MAST1: variants seen among roughly 807,000 people sequenced by gnomAD.
MAST1 encodes the protein microtubule associated serine/threonine kinase 1.
A neutral mutation model predicts 124.6 loss-of-function variants in MAST1; 40 were observed. The ratio of observed to expected loss-of-function variants is 0.32; its 90% confidence interval spans 0.25 to 0.42. The LOEUF is 0.42. MAST1 is among the 10% of genes least tolerant of loss of function. The probability of loss-of-function intolerance (pLI) is 1.00; values close to 1 mark genes in which losing one functional copy is unlikely to be tolerated. For missense variants in MAST1, 1,558 were observed against 2,181.9 expected, an observed-to-expected ratio of 0.71 and a Z score of 5.70; for synonymous variants, 938 against 939.4, an observed-to-expected ratio of 1.00 and a Z score of 0.03.
In MAST1 at chr19:12,874,544, C is replaced by T; in HGVS notation, c.4387C>T (p.Pro1463Ser). 2 of 1,516,426 alleles carry T rather than the reference C, an allele frequency of 1.3e-6. No individual in the cohort carries two copies. The highest frequency in any genetic ancestry group is 2.6e-5 in the South Asian group (2 of 77,018). The allele number at this position is 1,516,426 out of a possible 1,614,324, so 93.9% of individuals were successfully genotyped here. Residue 1463 changes from proline to serine, a missense_variant, in exon 26 of 26, where the codon CCC becomes TCC. Coordinates refer to ENST00000251472, the MANE Select transcript of MAST1 (RefSeq NM_014975.3). This position sits in a 1 kb window ranked among gnomAD's most constrained non-coding sequence, Gnocchi z 6.6. ...CGCGGACTCCAAGGGGTTGCAGGAA[C>T]CCGCACCCCTGGCGCCTTCCGTGCC... ...LGADSKGLQEPAPLAPSVPEA... is the reference protein window; with the variant it reads ...LGADSKGLQESAPLAPSVPEA...
Position 12,874,943 on chromosome 19 carries a change from T to G in MAST1, c.*73T>G. 2.0e-6 allele frequency: 3 copies of G among 1,516,058 alleles called. No individual in the cohort carries two copies. Among genetic ancestry groups the G allele is most frequent in the Non-Finnish European group, 2.7e-6 (3 of 1,128,746 alleles). The allele number at this position is 1,516,058 out of a possible 1,614,324, so 93.9% of individuals were successfully genotyped here. A position where few individuals can be genotyped will look rare whatever the true frequency, so the allele number is the denominator to read the frequency against. On this transcript the variant is annotated 3_prime_UTR_variant, in exon 26 of 26. Transcript: ENST00000251472. This position sits in a 1 kb window ranked among gnomAD's most constrained non-coding sequence, Gnocchi z 6.6. ...TACACATATAAATAAAGTGCGTCCG[T>G]GCTGCGTGAGTTTTCTGGGGCTCAC... is the stretch of plus-strand genomic sequence containing the variant.
At chr19:12,857,975 C>G (rs1015848965) in intron 10 of MAST1, among the ~76,000 whole-genome samples, 16 of 130,066 alleles carry the variant, frequency 1.2e-4, no homozygotes, top group Non-Finnish European at 2.3e-4. Context: ...CCACTACACT[C>G]CAGTCTGAAT....
chr19:12,852,581 G>A (rs1244310360), intron 10 of MAST1, among the ~76,000 whole-genome samples, 186 bp downstream of exon 10: 2 of 152,006 alleles, frequency 1.3e-5, no homozygotes, highest in Admixed American at 6.6e-5. Flanking sequence ...GCTCATGCCT[G>A]TAATCCCAGC....
At position 12,874,279 on chromosome 19, in the gene MAST1, G is replaced by A. The variant is rs199969087; in HGVS notation, c.4122G>A (p.Ala1374=). 7.3e-4 allele frequency: 1,154 copies of A among 1,588,512 alleles called. 7 individuals carry two copies. Among genetic ancestry groups the A allele is most frequent in the South Asian group, 4.0e-3 (356 of 89,818 alleles). ...CCGAGGCGTGCACCCCACCCCGCGC[G>A]ACGACCCCCGGTGGCCGGACCCTGG... ...GGAEACTPPR[A]TTPGGRTLER... is the part of the protein sequence containing the mutation. The change falls in exon 26 of 26, where the codon GCG becomes GCA. Residue 1374 remains alanine (A), a synonymous_variant. Coordinates refer to ENST00000251472, the MANE Select transcript of MAST1 (RefSeq NM_014975.3). The surrounding 1 kb of genome is among the most constrained non-coding windows in gnomAD (Gnocchi z 6.6).
chr19:12,852,459 C>G, intron 10 of MAST1, 64 bp downstream of exon 10: 1 of 1,464,162 alleles, frequency 6.8e-7, no homozygotes, highest in Non-Finnish European at 9.6e-7. Context: ...GGGCTCATCT[C>G]CGGCTTCTTT....
Position 12,865,214 on chromosome 19 carries a change from G to A in MAST1, c.1638+36G>A. On this transcript the variant is annotated intron_variant, in intron 14 of 25. Coordinates refer to ENST00000251472, the MANE Select transcript of MAST1 (RefSeq NM_014975.3). The surrounding 1 kb of genome is among the most constrained non-coding windows in gnomAD (Gnocchi z 7.1). Reference sequence around the variant, plus strand: ...GGGCATGGGGGTCGCTGAGGGTGGAGTGACCCTGCAGGACCTCGGGAACCC... The same window carrying A: ...GGGCATGGGGGTCGCTGAGGGTGGAATGACCCTGCAGGACCTCGGGAACCC... 6.2e-7 allele frequency: 1 copy of A among 1,607,750 alleles called. No individual in the cohort carries two copies. Among genetic ancestry groups the A allele is most frequent in the Non-Finnish European group, 8.5e-7 (1 of 1,176,210 alleles).
Position 12,874,129 on chromosome 19 carries a change from G to T in MAST1, c.3972G>T (p.Arg1324=), listed in dbSNP as rs780599348. The T allele has an allele frequency of 3.2e-6, 5 of 1,542,740 alleles. No individual in the cohort carries two copies. In the South Asian group the frequency reaches 3.6e-5, roughly 11 times the overall value. Residue 1324 remains arginine, a synonymous_variant, in exon 26 of 26, where the codon CGG becomes CGT. Transcript: ENST00000251472. This position sits in a 1 kb window ranked among gnomAD's most constrained non-coding sequence, Gnocchi z 6.6. ...TPPVEGLGAP[R]QVAVRRLGRQ... ...CAGTCGAGGGCCTTGGCGCGCCCCG[G>T]CAGGTCGCCGTCCGCCGCCTGGGCC...
chr19:12,874,758 G>A lies in MAST1; in HGVS notation c.4601G>A (p.Gly1534Asp). The part of the protein sequence containing the change: ...VTPVPPASLL[G>D]SGTKPQVGLT... The stretch of plus-strand genomic sequence containing the variant: ...CCAGTCCCACCCGCATCCCTCTTGG[G>A]CTCAGGCACCAAGCCTCAAGTGGGG... The change falls in exon 26 of 26, where the codon GGC becomes GAC. Residue 1534 changes from glycine (G) to aspartate (D), a missense_variant. This residue lies in a region of MAST1 where 168 missense variants were observed against 154.3 expected (regional missense o/e 1.09). Transcript: ENST00000251472. This position sits in a 1 kb window ranked among gnomAD's most constrained non-coding sequence, Gnocchi z 6.6. 6.2e-7 allele frequency: 1 copy of A among 1,605,088 alleles called. No individual in the cohort carries two copies. Among genetic ancestry groups the A allele is most frequent in the Non-Finnish European group, 8.5e-7 (1 of 1,173,422 alleles).
rs1970156011 is a variant in MAST1, at chr19:12,866,508, C to T, written c.2030-145C>T. On this transcript the variant is annotated intron_variant, in intron 17 of 25. Coordinates refer to ENST00000251472, the MANE Select transcript of MAST1 (RefSeq NM_014975.3). The surrounding 1 kb of genome is among the most constrained non-coding windows in gnomAD (Gnocchi z 5.2). The stretch of plus-strand genomic sequence containing the variant: ...GCAAGGACCTTGCCTGGGAGCGGAG[C>T]CTAAATTAAATACACTAATGAGGCA... 3 of 628,468 alleles carry T rather than the reference C, an allele frequency of 4.8e-6. No homozygotes were observed. The highest frequency in any genetic ancestry group is 8.5e-6 in the Non-Finnish European group (3 of 352,468). 38.9% of individuals were successfully genotyped at this position (628,468 alleles called of 1,614,324 possible).
chr19:12,853,836 C>T (rs1969990439), intron 10 of MAST1, among the ~76,000 whole-genome samples: 1 of 150,382 alleles, frequency 6.6e-6, no homozygotes, highest in African/African-American at 2.4e-5. Flanking sequence ...CACCACTGCA[C>T]TCCAGCCTGG....
At chr19:12,851,268 C>CTT (rs112311166) in intron 7 of MAST1, among the ~76,000 whole-genome samples, 1 of 140,750 alleles carries the variant, frequency 7.1e-6, no homozygotes, top group Admixed American at 7.1e-5. Context: ...TTCTTTTTTT[C>CTT]TTTTTTTTTT....
Position 12,845,296 on chromosome 19 carries a change from C to T in MAST1, c.327+1689C>T, listed in dbSNP as rs150105962. 6.3e-3 allele frequency among the ~76,000 whole-genome samples: 941 copies of T among 150,210 alleles called. 7 individuals are homozygous for T. The highest frequency in any genetic ancestry group is 9.7e-3 in the Non-Finnish European group (658 of 67,798). On this transcript the variant is annotated intron_variant, in intron 4 of 25. Transcript: ENST00000251472. ...CCAGCCTGGGTGAAAGCTATATGAC[C>T]AGGCATGGTGGCTCACACCTGTATT...
At chr19:12,848,467 C>A (rs2145891422) in intron 7 of MAST1, 1 of 179,290 alleles carries the variant, frequency 5.6e-6, no homozygotes, top group Non-Finnish European at 1.2e-5. Context: ...AAAACACACA[C>A]ACACACAAAA....
chr19:12,845,129 C>T (rs1969876657), intron 4 of MAST1, among the ~76,000 whole-genome samples: 1 of 152,022 alleles, frequency 6.6e-6, no homozygotes, highest in Admixed American at 6.6e-5. Context: ...TGGTGAAACC[C>T]TGTCTCTAGT....
Position 12,843,373 on chromosome 19 carries a change from T to G in MAST1, c.249-156T>G, listed in dbSNP as rs1398907765. On this transcript the variant is annotated intron_variant, in intron 3 of 25. Coordinates refer to ENST00000251472, the MANE Select transcript of MAST1 (RefSeq NM_014975.3). The surrounding 1 kb of genome is among the most constrained non-coding windows in gnomAD (Gnocchi z 4.9). ...GGTGCCTGCCTGGAAGAGTCCCTCT[T>G]TATCCCCTTGATTCTGAGGGCCTTG... 1.3e-5 allele frequency among the ~76,000 whole-genome samples: 2 copies of G among 152,040 alleles called. No homozygotes were observed. Among genetic ancestry groups the G allele is most frequent in the Admixed American group, 1.3e-4 (2 of 15,266 alleles).
At position 12,852,180 on chromosome 19, in the gene MAST1, C is replaced by G; in HGVS notation, c.942C>G (p.His314Gln). 1 of 1,614,066 alleles carries G rather than the reference C, an allele frequency of 6.2e-7. No homozygotes were observed. Among genetic ancestry groups the G allele is most frequent in the Non-Finnish European group, 8.5e-7 (1 of 1,180,018 alleles). The change falls in exon 9 of 26, where the codon CAC becomes CAG. Residue 314 changes from histidine (H) to glutamine (Q), a missense_variant. Around this residue, in one of 10 missense-constraint regions of MAST1, gnomAD observed 136 missense variants for 160.9 expected, o/e 0.85. Coordinates refer to ENST00000251472, the MANE Select transcript of MAST1 (RefSeq NM_014975.3). ...CCGAAGGACACGCCAAGGAGGGCCA[C>G]CTTGTGAAGACGGACATCCCCCGCT... ...EAAEGHAKEG[H>Q]LVKTDIPRYI... is the part of the protein sequence containing the mutation.
intron 7 of MAST1, among the ~76,000 whole-genome samples, chr19:12,849,936 C>A (rs1969941509): frequency 6.6e-6 from 1 of 151,648 alleles, no homozygotes; most frequent in African/African-American, 2.4e-5. Context: ...TAGCTGGGAT[C>A]ACAGGCACCC....
Position 12,852,168 on chromosome 19 carries a change from C to A in MAST1, c.930C>A (p.Ala310=). 4 of 1,614,016 alleles carry A rather than the reference C, an allele frequency of 2.5e-6. No individual in the cohort carries two copies. The highest frequency in any genetic ancestry group is 3.4e-6 in the Non-Finnish European group (4 of 1,179,992). The part of the protein sequence containing the change: ...YHLLEAAEGH[A]KEGHLVKTDI... ...TGCTGGAGGCGGCCGAAGGACACGC[C>A]AAGGAGGGCCACCTTGTGAAGACGG... is the stretch of plus-strand genomic sequence containing the variant. Residue 310 remains alanine, a synonymous_variant, in exon 9 of 26, where the codon GCC becomes GCA. Transcript: ENST00000251472.
Position 12,866,221 on chromosome 19 carries a change from C to A in MAST1, c.2029+119C>A, listed in dbSNP as rs1970151352. 2.9e-5 allele frequency: 29 copies of A among 1,002,810 alleles called. No individual in the cohort carries two copies. Among genetic ancestry groups the A allele is most frequent in the Non-Finnish European group, 3.7e-5 (28 of 765,228 alleles). The allele number at this position is 1,002,810 out of a possible 1,614,324, so 62.1% of individuals were successfully genotyped here. A position where few individuals can be genotyped will look rare whatever the true frequency, so the allele number is the denominator to read the frequency against. ...AGTACCAAGATGTGATGCCTAGGTG[C>A]GAAGGTGGTATTTTGGTGGGGGCGG... is the stretch of plus-strand genomic sequence containing the variant. On this transcript the variant is annotated intron_variant, in intron 17 of 25. Transcript: ENST00000251472. The surrounding 1 kb of genome is among the most constrained non-coding windows in gnomAD (Gnocchi z 5.2).
Sources: allele counts gnomAD v4.1 joint callset (sites outside exome capture counted in the v4.1 genomes callset), GRCh38; gene constraint gnomAD v4.1.1; regional missense constraint gnomAD v4.1.1; non-coding constraint Gnocchi (gnomAD v3.1); transcripts MANE v1.5; gene names NCBI Gene and HGNC (gene_info 2026-07-23, HGNC 2026-07-21).